The following CNTNAP2 variants were observed in gnomAD, a reference collection of about 807,000 sequenced individuals.
CNTNAP2 encodes the protein contactin-associated protein-like 2.
Under a neutral mutation model 155.2 loss-of-function variants are expected in CNTNAP2, and 98 were observed. The ratio of observed to expected loss-of-function variants is 0.63; its 90% CI spans 0.54 to 0.75. The LOEUF (loss-of-function observed/expected upper bound fraction) is 0.75. Ranked by LOEUF, CNTNAP2 falls within the 30% of genes least tolerant of loss-of-function variation. The pLI is 0.00. For missense variants in CNTNAP2, 1,727 were observed against 1,688.1 expected, an observed-to-expected ratio of 1.02 and a Z score of -0.40; for synonymous variants, 651 against 631.2, an observed-to-expected ratio of 1.03 and a Z score of -0.47.
intron 1 of CNTNAP2, among the ~76,000 whole-genome samples, chr7:146,585,247 G>A (rs539764972): frequency 6.6e-6 from 1 of 151,998 alleles, no homozygotes; most frequent in South Asian, 2.1e-4. Flanking sequence ...TCAGTCTCCC[G>A]AGTAGCTGGG....
rs1045688314 is a variant in CNTNAP2, at chr7:147,499,776, C to T, written c.1777+13735C>T. Among the ~76,000 whole-genome samples, 11 of 152,104 alleles carry T rather than the reference C, an allele frequency of 7.2e-5. No homozygotes were observed. The East Asian group carries it at 2.1e-3, about 29-fold the overall frequency. ...TGGGGAGAAAAGGAGGAGAGAGCTG[C>T]ACTCTTCATCTGTATATAAGATCAT... On this transcript the variant is annotated intron_variant, in intron 11 of 23. Coordinates refer to ENST00000361727, the MANE Select transcript of CNTNAP2 (RefSeq NM_014141.6).
chr7:146,269,133 A>G (rs1444883059), intron 1 of CNTNAP2, among the ~76,000 whole-genome samples: 1 of 152,048 alleles, frequency 6.6e-6, no homozygotes, highest in Non-Finnish European at 1.5e-5. Flanking sequence ...CGAGGTCAGG[A>G]GATCGAGACA....
chr7:146,947,559 A>G (rs9800918), intron 3 of CNTNAP2, among the ~76,000 whole-genome samples: 487 of 24,562 alleles, frequency 0.02, 5 homozygotes, highest in African/African-American at 0.041. Context: ...GTGTGTGTGT[A>G]TATATATATA....
intron 12 of CNTNAP2, among the ~76,000 whole-genome samples, chr7:147,581,787 G>T (rs1037393693): frequency 2.6e-5 from 4 of 152,136 alleles, no homozygotes; most frequent in African/African-American, 9.7e-5. Flanking sequence ...CTAGTGGTAT[G>T]ACTGTTGTAA....
intron 21 of CNTNAP2, among the ~76,000 whole-genome samples, chr7:148,275,743 AAGG>A (rs1796859882): frequency 6.6e-6 from 1 of 152,176 alleles, no homozygotes; most frequent in Non-Finnish European, 1.5e-5. Context: ...GGGCTCCAAG[AAGG>A]AGCTTTCCAA....
At chr7:147,374,008 C>T (rs826807) in intron 9 of CNTNAP2, among the ~76,000 whole-genome samples, 53,039 of 151,546 alleles carry the variant, frequency 0.35, 10,267 homozygotes, top group East Asian at 0.67. Flanking sequence ...TATGTGTCTT[C>T]CTAACAGATG....
rs1177349561 is a variant in CNTNAP2 at position 146,821,807 on chromosome 7, A to G, written c.209-17904A>G. Among the ~76,000 whole-genome samples the G allele has an allele frequency of 7.2e-5, 11 of 151,894 alleles. No individual in the cohort carries two copies. In the East Asian group the frequency reaches 2.1e-3, roughly 29 times the overall value. ...ACACCAGTTAGAATGGCAATCATTAAAAAGTCAGGAAAAAACAGGTGCTGG... is the reference window on the plus strand; with the variant it reads ...ACACCAGTTAGAATGGCAATCATTAGAAAGTCAGGAAAAAACAGGTGCTGG... On this transcript the variant is annotated intron_variant, in intron 2 of 23. Transcript: ENST00000361727.
At chr7:147,149,613 A>G (rs1310699184) in intron 8 of CNTNAP2, among the ~76,000 whole-genome samples, 1 of 152,204 alleles carries the variant, frequency 6.6e-6, no homozygotes, top group Non-Finnish European at 1.5e-5. Flanking sequence ...GATTTTTAAA[A>G]GATAGCTCTA....
At chr7:147,172,727 C>T (rs913844528) in intron 8 of CNTNAP2, among the ~76,000 whole-genome samples, 4 of 152,076 alleles carry the variant, frequency 2.6e-5, no homozygotes, top group Admixed American at 6.5e-5. Flanking sequence ...AGAAAGATTT[C>T]TTGGAGCTAA....
chr7:146,820,950 G>T lies in CNTNAP2; in HGVS notation c.209-18761G>T, dbSNP rs547706847. ...TCTTTGTCTCTTTTGATCTTTGTTG[G>T]TTTAAAGTCTGTTTTATCAGAGACT... On this transcript the variant is annotated intron_variant, in intron 2 of 23. Coordinates refer to ENST00000361727, the MANE Select transcript of CNTNAP2 (RefSeq NM_014141.6). Among the ~76,000 whole-genome samples the T allele has an allele frequency of 4.8e-3, 725 of 152,070 alleles. 6 individuals carry two copies. The highest frequency in any genetic ancestry group is 0.015 in the African/African-American group (641 of 41,468).
intron 1 of CNTNAP2, among the ~76,000 whole-genome samples, chr7:146,143,593 C>T (rs1359818046): frequency 1.3e-5 from 2 of 152,016 alleles, no homozygotes; most frequent in African/African-American, 4.8e-5. Flanking sequence ...CTTTTCCCTC[C>T]TGTGGTATTG....
chr7:147,534,903 A>G (rs778109417), intron 11 of CNTNAP2, among the ~76,000 whole-genome samples: 1 of 151,798 alleles, frequency 6.6e-6, no homozygotes, highest in Non-Finnish European at 1.5e-5. Flanking sequence ...ATTTCCCCTC[A>G]CTTGCAGAAA....
chr7:148,350,070 G>C (rs1406955687), intron 21 of CNTNAP2, among the ~76,000 whole-genome samples: 3 of 152,198 alleles, frequency 2.0e-5, no homozygotes, highest in Non-Finnish European at 4.4e-5. Flanking sequence ...AGGCAGGGAG[G>C]CTAGCAGGGA....
chr7:146,328,010 A>G (rs1801124115), intron 1 of CNTNAP2, among the ~76,000 whole-genome samples: 1 of 152,162 alleles, frequency 6.6e-6, no homozygotes, highest in African/African-American at 2.4e-5. Context: ...GTGTCTTCAA[A>G]AGGCGGCCTC....
At chr7:147,574,961 C>T (rs1000921944) in intron 12 of CNTNAP2, among the ~76,000 whole-genome samples, 7 of 152,004 alleles carry the variant, frequency 4.6e-5, no homozygotes, top group South Asian at 2.1e-4. Context: ...GATTCATGGT[C>T]GAAAGTTGGG....
intron 1 of CNTNAP2, among the ~76,000 whole-genome samples, chr7:146,553,229 TG>T (rs967493264): frequency 6.6e-6 from 1 of 152,066 alleles, no homozygotes; most frequent in Non-Finnish European, 1.5e-5. Flanking sequence ...TAATTATATT[TG>T]AAATGCTAGA....
At chr7:146,972,687 G>A (rs1183016837) in intron 3 of CNTNAP2, among the ~76,000 whole-genome samples, 1 of 152,162 alleles carries the variant, frequency 6.6e-6, no homozygotes, top group East Asian at 1.9e-4. Context: ...GAATCTTGTA[G>A]CTTAGTTATA....
chr7:146,758,256 T>C (rs1186730455), intron 1 of CNTNAP2, among the ~76,000 whole-genome samples: 1 of 152,204 alleles, frequency 6.6e-6, no homozygotes, highest in South Asian at 2.1e-4. Flanking sequence ...TGCTTGTTTC[T>C]GTTTTCCTTT....
At chr7:147,770,417 T>C (rs930939194) in intron 13 of CNTNAP2, among the ~76,000 whole-genome samples, 1 of 152,162 alleles carries the variant, frequency 6.6e-6, no homozygotes, top group East Asian at 1.9e-4. Context: ...TAAACAAGGA[T>C]TTTTAGTTTC....
Sources: gnomAD v4.1 joint callset for allele counts (sites outside exome capture counted in the v4.1 genomes callset) on GRCh38, gnomAD v4.1.1 for gene constraint, MANE v1.5 for transcripts, NCBI Gene and HGNC (gene_info 2026-07-23, HGNC 2026-07-21) for gene names.